Variants in TBK1 observed in about 807,000 individuals in gnomAD.
TBK1 encodes the protein TANK binding kinase 1, also known as serine/threonine-protein kinase TBK1.
Under a neutral mutation model 99.9 loss-of-function variants are expected in TBK1, and 37 were observed. The ratio of observed to expected loss-of-function variants is 0.37; its 90% confidence interval spans 0.28 to 0.49. The LOEUF (loss-of-function observed/expected upper bound fraction) is 0.49, where lower values mean the gene tolerates loss of function less well. TBK1 is among the 20% of genes least tolerant of loss of function. TBK1 has a pLI of 0.98. For missense variants in TBK1, 644 were observed against 872.5 expected (o/e 0.74, Z 3.30); for synonymous variants, 258 against 279.8 (o/e 0.92, Z 0.78).
chr12:64,501,788 A>G lies in TBK1; in HGVS notation c.*407A>G, dbSNP rs1336697073. 3 of 164,966 alleles carry G rather than the reference A, an allele frequency of 1.8e-5. No homozygotes were observed. The highest frequency in any genetic ancestry group is 3.9e-5 in the Non-Finnish European group (3 of 76,424). The allele number at this position is 164,966 out of a possible 1,614,324, so 10.2% of individuals were successfully genotyped here. ...GACTTGACACGTTTGTAAATGGTAG[A>G]ACGGTGGCTACTGTGAGTGGGGAGC... is the stretch of plus-strand genomic sequence containing the variant. On this transcript the variant is annotated 3_prime_UTR_variant, in exon 21 of 21. Transcript: ENST00000331710.
At chr12:64,480,220 A>T in intron 7 of TBK1, 98 bp downstream of exon 7, 1 of 749,276 alleles carries the variant, frequency 1.3e-6, no homozygotes, top group Non-Finnish European at 2.1e-6. Flanking sequence ...GTGTAGTTTG[A>T]TTTTATTTTA....
chr12:64,492,463 C>T (rs1490179749), intron 13 of TBK1, among the ~76,000 whole-genome samples: 5 of 151,438 alleles, frequency 3.3e-5, no homozygotes, highest in African/African-American at 4.9e-5. Context: ...TGTGCCACCA[C>T]ACCCAGCTAA....
intron 2 of TBK1, among the ~76,000 whole-genome samples, chr12:64,459,670 C>G (rs2040525442): frequency 6.6e-6 from 1 of 152,142 alleles, no homozygotes; most frequent in African/African-American, 2.4e-5. Context: ...TTCCCCACTC[C>G]CCTCCCCCAC....
chr12:64,479,954 A>G, intron 6 of TBK1, 58 bp from the exon 7 acceptor site: 1 of 1,259,656 alleles, frequency 7.9e-7, no homozygotes, highest in Non-Finnish European at 1.1e-6. Flanking sequence ...TGCAAAGCCC[A>G]TTAATAAGTC....
intron 2 of TBK1, among the ~76,000 whole-genome samples, chr12:64,457,226 G>A (rs1277771401): frequency 6.6e-6 from 1 of 152,104 alleles, no homozygotes; most frequent in Non-Finnish European, 1.5e-5. Flanking sequence ...GTTTCCTCTG[G>A]GGAGAGAATA....
rs55824172 is a variant in TBK1 at position 64,466,994 on chromosome 12, C to T, written c.452C>T (p.Ser151Phe). The T allele has an allele frequency of 7.6e-5, 123 of 1,612,542 alleles. No individual in the cohort carries two copies. Among genetic ancestry groups the T allele is most frequent in the Non-Finnish European group, 9.8e-5 (116 of 1,179,312 alleles). ...CGTGTTATAGGGGAAGATGGACAGT[C>T]TGTGTACAAACTCACAGATTTTGGT... Reference protein sequence around the residue: ...IMRVIGEDGQSVYKLTDFGAA... With the variant: ...IMRVIGEDGQFVYKLTDFGAA... Residue 151 changes from serine (S) to phenylalanine (F), a missense_variant, in exon 5 of 21, where the codon TCT becomes TTT. Coordinates refer to ENST00000331710, the MANE Select transcript of TBK1 (RefSeq NM_013254.4).
intron 9 of TBK1, among the ~76,000 whole-genome samples, chr12:64,484,789 A>C (rs1305902382): frequency 3.3e-5 from 5 of 152,152 alleles, no homozygotes; most frequent in Non-Finnish European, 7.4e-5. Context: ...CATTGTAGAA[A>C]TGATTGTCAT....
chr12:64,453,794 T>G (rs2040455145), intron 1 of TBK1, among the ~76,000 whole-genome samples: 1 of 152,238 alleles, frequency 6.6e-6, no homozygotes, highest in East Asian at 1.9e-4. Context: ...AGTGTGGAGC[T>G]TGGATACTTT....
At chr12:64,474,975 A>G (rs1399981383) in intron 6 of TBK1, among the ~76,000 whole-genome samples, 1 of 152,068 alleles carries the variant, frequency 6.6e-6, no homozygotes, top group Non-Finnish European at 1.5e-5. Flanking sequence ...AACATTAGCC[A>G]GGGGTGGTGG....
At chr12:64,489,926 A>G (rs1168424390) in intron 12 of TBK1, 115 bp from the exon 13 acceptor site, 11 of 683,494 alleles carry the variant, frequency 1.6e-5, no homozygotes, top group Non-Finnish European at 2.3e-5. Flanking sequence ...CTTTGAATCA[A>G]TTTTTTATTT....
At chr12:64,481,238 A>G (rs984596747) in intron 7 of TBK1, among the ~76,000 whole-genome samples, 1 of 152,144 alleles carries the variant, frequency 6.6e-6, no homozygotes, top group African/African-American at 2.4e-5. Flanking sequence ...CTTGCTGGTA[A>G]ATAATTATAT....
intron 6 of TBK1, among the ~76,000 whole-genome samples, 200 bp downstream of exon 6, chr12:64,474,590 A>G (rs1159414216): frequency 6.6e-6 from 1 of 152,238 alleles, no homozygotes; most frequent in East Asian, 1.9e-4. Context: ...ATGTTTAAAT[A>G]TCTTATATAC....
intron 10 of TBK1, 169 bp from the exon 11 acceptor site, chr12:64,485,757 T>C: frequency 2.2e-6 from 1 of 450,554 alleles, no homozygotes; most frequent in South Asian, 6.2e-5. Context: ...ATGTTAAGGA[T>C]AACATATTTA....
chr12:64,489,745 T>C (rs1214317371), intron 12 of TBK1, among the ~76,000 whole-genome samples: 1 of 151,524 alleles, frequency 6.6e-6, no homozygotes, highest in Non-Finnish European at 1.5e-5. Flanking sequence ...ATTTTTTTTT[T>C]TTTTGTATTT....
chr12:64,474,426 T>A (rs1253847591), intron 6 of TBK1, 36 bp downstream of exon 6: 1 of 1,573,056 alleles, frequency 6.4e-7, no homozygotes, highest in Admixed American at 1.8e-5. Flanking sequence ...AGAGAAGCAT[T>A]TAAAAAATGA....
chr12:64,464,448 G>A lies in TBK1; in HGVS notation c.343G>A (p.Val115Ile), dbSNP rs1231362891. 1 of 1,587,120 alleles carries A rather than the reference G, an allele frequency of 6.3e-7. No homozygotes were observed. The highest frequency in any genetic ancestry group is 8.6e-7 in the Non-Finnish European group (1 of 1,165,420). ...ACTACCAGAATCTGAATTCTTAATT[G>A]TTTTGCGAGATGTGGGTATGTTTGT... is the stretch of plus-strand genomic sequence containing the variant. ...YGLPESEFLI[V>I]LRDVVGGMNH... Residue 115 changes from valine to isoleucine, a missense_variant, in exon 4 of 21, where the codon GTT becomes ATT. By Grantham distance (29) the Val-to-Ile change is conservative. Around this residue, in one of 3 missense-constraint regions of TBK1, gnomAD observed 148 missense variants for 202.1 expected, o/e 0.73. Coordinates refer to ENST00000331710, the MANE Select transcript of TBK1 (RefSeq NM_013254.4).
At chr12:64,460,805 G>A (rs1414751853) in intron 3 of TBK1, among the ~76,000 whole-genome samples, 1 of 145,412 alleles carries the variant, frequency 6.9e-6, no homozygotes, top group Non-Finnish European at 1.5e-5. Flanking sequence ...CTGCACTCCA[G>A]CCTGGCAACA....
At chr12:64,495,349 T>C in intron 13 of TBK1, 134 bp from the exon 14 acceptor site, 1 of 1,146,910 alleles carries the variant, frequency 8.7e-7, no homozygotes, top group Non-Finnish European at 1.2e-6. Context: ...TATTTAAAAA[T>C]GGAAATAATT....
At chr12:64,463,949 C>T (rs145708963) in intron 3 of TBK1, among the ~76,000 whole-genome samples, 2,780 of 151,744 alleles carry the variant, frequency 0.018, 84 homozygotes, top group African/African-American at 0.064. Context: ...CTGCAACTTC[C>T]GCCTCCCAGG....
Sources: allele counts gnomAD v4.1 joint callset (sites outside exome capture counted in the v4.1 genomes callset), GRCh38; gene constraint gnomAD v4.1.1; regional missense constraint gnomAD v4.1.1; transcripts MANE v1.5; gene names NCBI Gene and HGNC (gene_info 2026-07-23, HGNC 2026-07-21).